Variants in SEMA3C observed in about 807,000 individuals in gnomAD.
SEMA3C encodes the protein semaphorin 3C.
Under a neutral mutation model 89.4 loss-of-function variants are expected in SEMA3C, and 47 were observed. The observed-to-expected ratio is 0.53, with a 90% CI of 0.42 to 0.67. The LOEUF is 0.67. Among genes scored for constraint, SEMA3C ranks in the 30% least tolerant of loss-of-function variants. SEMA3C has a pLI of 0.00. For missense variants in SEMA3C, 839 were observed against 929.1 expected, an observed-to-expected ratio of 0.90 and a Z score of 1.26; for synonymous variants, 310 against 320.2, an observed-to-expected ratio of 0.97 and a Z score of 0.34.
Position 80,802,682 on chromosome 7 carries a change from G to C in SEMA3C, c.899C>G (p.Thr300Arg). The part of the protein sequence containing the change: ...CSVTDEDGPE[T>R]HFDELEDVFL... ...GTATGTACCTAATTCATCAAAGTGT[G>C]TTTCTGGGCCGTCTTCATCTGTTAC... Residue 300 changes from threonine (T) to arginine (R), a missense_variant, in exon 9 of 18, where the codon ACA becomes AGA. Transcript: ENST00000265361. 1 of 1,612,770 alleles carries C rather than the reference G, an allele frequency of 6.2e-7. No individual in the cohort carries two copies. The highest frequency in any genetic ancestry group is 1.3e-5 in the African/African-American group (1 of 74,988).
intron 2 of SEMA3C, among the ~76,000 whole-genome samples, chr7:80,890,823 C>G (rs748498730): frequency 6.6e-6 from 1 of 152,174 alleles, no homozygotes; most frequent in Non-Finnish European, 1.5e-5. Flanking sequence ...TGTGCTGTGC[C>G]TTAAACTGAT....
chr7:80,752,742 T>G (rs974694265), intron 15 of SEMA3C, among the ~76,000 whole-genome samples: 1 of 152,172 alleles, frequency 6.6e-6, no homozygotes, highest in Non-Finnish European at 1.5e-5. Flanking sequence ...AGTGGTATTA[T>G]GTAGTCTAAG....
Position 80,918,862 on chromosome 7 carries a change from A to G in SEMA3C, c.-73T>C, listed in dbSNP as rs1792340899. 1.0e-6 allele frequency: 1 copy of G among 985,480 alleles called. No homozygotes were observed. The allele number at this position is 985,480 out of a possible 1,614,324, so 61.0% of individuals were successfully genotyped here. ...AAGAAATCAGCACGGAAAAGTCATC[A>G]GTTTGCTACCGGGGTTGGATGCGCT... On this transcript the variant is annotated 5_prime_UTR_variant, in exon 1 of 18. Coordinates refer to ENST00000265361, the MANE Select transcript of SEMA3C (RefSeq NM_006379.5).
intron 2 of SEMA3C, among the ~76,000 whole-genome samples, chr7:80,839,024 G>A (rs1010222593): frequency 2.4e-4 from 37 of 152,110 alleles, no homozygotes; most frequent in Non-Finnish European, 4.4e-4. Context: ...TGGAAGACAT[G>A]GCCAATCTTT....
At chr7:80,802,906 C>T in intron 8 of SEMA3C, 127 bp from the exon 9 acceptor site, 1 of 562,542 alleles carries the variant, frequency 1.8e-6, no homozygotes, top group Admixed American at 2.8e-5. Flanking sequence ...ACCACTTCTG[C>T]ACATCAGTTG....
intron 2 of SEMA3C, among the ~76,000 whole-genome samples, chr7:80,840,269 G>A (rs55754854): frequency 0.16 from 23,791 of 151,848 alleles, 2,372 homozygotes; most frequent in Middle Eastern, 0.22. Flanking sequence ...CCTGTAATCC[G>A]AACATTATGG....
At chr7:80,900,864 T>C (rs1023952691) in intron 2 of SEMA3C, among the ~76,000 whole-genome samples, 5 of 152,242 alleles carry the variant, frequency 3.3e-5, no homozygotes, top group African/African-American at 1.2e-4. Flanking sequence ...TGTGTACTGC[T>C]GAGATAACAA....
chr7:80,822,979 T>C (rs1351839760), intron 4 of SEMA3C, among the ~76,000 whole-genome samples: 1 of 152,172 alleles, frequency 6.6e-6, no homozygotes, highest in Non-Finnish European at 1.5e-5. Context: ...CGGAAATAAA[T>C]ATGATGCATG....
intron 12 of SEMA3C, among the ~76,000 whole-genome samples, chr7:80,786,098 C>T (rs1282496750): frequency 6.6e-6 from 1 of 152,182 alleles, no homozygotes; most frequent in Non-Finnish European, 1.5e-5. Context: ...ATGGGATCCT[C>T]AAGAGACTCC....
chr7:80,861,450 A>G (rs987972249), intron 2 of SEMA3C, among the ~76,000 whole-genome samples: 2 of 152,174 alleles, frequency 1.3e-5, no homozygotes, highest in African/African-American at 4.8e-5. Context: ...TAAAATGTCC[A>G]AATTTTAGAA....
At chr7:80,761,594 C>T (rs200092266) in intron 14 of SEMA3C, 22 bp downstream of exon 14, 460 of 1,196,098 alleles carry the variant, frequency 3.8e-4, no homozygotes, top group Non-Finnish European at 5.0e-4. Context: ...AAGCAAAGAA[C>T]ATAAAATAGC....
At chr7:80,861,300 A>G (rs1363714672) in intron 2 of SEMA3C, among the ~76,000 whole-genome samples, 1 of 152,124 alleles carries the variant, frequency 6.6e-6, no homozygotes, top group African/African-American at 2.4e-5. Flanking sequence ...AGTTCTGAAA[A>G]CTTACTATAT....
chr7:80,852,985 A>C (rs961409166), intron 2 of SEMA3C, among the ~76,000 whole-genome samples: 3 of 152,060 alleles, frequency 2.0e-5, no homozygotes, highest in African/African-American at 7.2e-5. Flanking sequence ...GACTGAATAG[A>C]CATTTTTCAA....
chr7:80,775,031 G>A (rs1788515743), intron 12 of SEMA3C, among the ~76,000 whole-genome samples: 1 of 151,970 alleles, frequency 6.6e-6, no homozygotes, highest in African/African-American at 2.4e-5. Context: ...TGAGAAACAA[G>A]GGAAGCCAAG....
rs576928849 is a variant in SEMA3C at position 80,828,522 on chromosome 7, A to AT, written c.264+62dup. The AT allele has an allele frequency of 3.6e-4, 483 of 1,339,182 alleles. 2 individuals are homozygous for AT. In the African/African-American group the frequency reaches 5.7e-3, roughly 16 times the overall value. The allele number at this position is 1,339,182 out of a possible 1,614,324, so 83.0% of individuals were successfully genotyped here. A position where few individuals can be genotyped will look rare whatever the true frequency, so the allele number is the denominator to read the frequency against. ...AATGCATATTATTTTTTACTTATTT[A>AT]TTTTTTTTAAAAAAGAGACATTGAA... On this transcript the variant is annotated intron_variant, in intron 3 of 17. Transcript: ENST00000265361.
In SEMA3C at chr7:80,742,992, C is replaced by T. The variant is rs1027743398; in HGVS notation, c.*1902G>A. 6.6e-6 allele frequency: 1 copy of T among 151,836 alleles called. No homozygotes were observed. The highest frequency in any genetic ancestry group is 1.5e-5 in the Non-Finnish European group (1 of 67,816). The allele number at this position is 151,836 out of a possible 1,614,324, so 9.4% of individuals were successfully genotyped here. On this transcript the variant is annotated 3_prime_UTR_variant, in exon 18 of 18. Coordinates refer to ENST00000265361, the MANE Select transcript of SEMA3C (RefSeq NM_006379.5). Reference sequence around the variant, plus strand: ...CACCGTTACTGTCTATCAGTTTGGGCTTATGTGAAATAAAGGGAACTGTGA... The same window carrying T: ...CACCGTTACTGTCTATCAGTTTGGGTTTATGTGAAATAAAGGGAACTGTGA...
intron 5 of SEMA3C, among the ~76,000 whole-genome samples, chr7:80,816,401 C>T (rs1191334530): frequency 2.0e-5 from 3 of 152,094 alleles, no homozygotes; most frequent in Admixed American, 6.6e-5. Context: ...AGAGGGTCAG[C>T]AGTAAGTATC....
chr7:80,909,245 G>T (rs949506881), intron 2 of SEMA3C, among the ~76,000 whole-genome samples: 1 of 152,110 alleles, frequency 6.6e-6, no homozygotes, highest in African/African-American at 2.4e-5. Flanking sequence ...TCTACATAGA[G>T]TTAAGGTTTT....
chr7:80,877,757 T>G (rs1791234102), intron 2 of SEMA3C, among the ~76,000 whole-genome samples: 1 of 152,184 alleles, frequency 6.6e-6, no homozygotes, highest in Non-Finnish European at 1.5e-5. Flanking sequence ...GTAAGAAAAT[T>G]GATTGTAATA....
Sources: allele counts gnomAD v4.1 joint callset (sites outside exome capture counted in the v4.1 genomes callset), GRCh38; gene constraint gnomAD v4.1.1; transcripts MANE v1.5; gene names NCBI Gene and HGNC (gene_info 2026-07-23, HGNC 2026-07-21).